The following ZSCAN18 variants were observed in gnomAD, a reference collection of about 807,000 sequenced individuals.
ZSCAN18 encodes the protein zinc finger and SCAN domain-containing protein 18.
A neutral mutation model predicts 31.1 loss-of-function variants in ZSCAN18; 16 were observed. That is an observed-to-expected ratio of 0.51 (90% CI 0.35 to 0.78). The LOEUF is 0.78. Among genes scored for constraint, ZSCAN18 ranks in the 30% least tolerant of loss-of-function variants. ZSCAN18 has a pLI of 0.01. For missense variants in ZSCAN18, 731 were observed against 697.4 expected (o/e 1.05, Z -0.54); for synonymous variants, 375 against 320.7 (o/e 1.17, Z -1.81).
intron 1 of ZSCAN18, chr19:58,109,087 A>G: frequency 2.4e-5 from 29 of 1,227,588 alleles, no homozygotes; most frequent in Non-Finnish European, 2.9e-5. Flanking sequence ...AGCCCCTCAT[A>G]GATGCTCTGG....
upstream of ZSCAN18, among the ~76,000 whole-genome samples, chr19:58,099,956 A>G (rs2074578410): frequency 8.4e-6 from 1 of 119,446 alleles, no homozygotes; most frequent in Admixed American, 9.9e-5. Flanking sequence ...CTCAGTTTTG[A>G]AAGCTATGTT....
chr19:58,099,978 T>TTTTTTTTG (rs2074579751), upstream of ZSCAN18, among the ~76,000 whole-genome samples: 2 of 151,178 alleles, frequency 1.3e-5, no homozygotes, highest in African/African-American at 2.4e-5. Context: ...TTTTTTTTTT[T>TTTTTTTTG]GAGACAAGGT....
At chr19:58,117,103 C>T (rs961397927) in intron 1 of ZSCAN18, among the ~76,000 whole-genome samples, 1 of 152,188 alleles carries the variant, frequency 6.6e-6, no homozygotes, top group Non-Finnish European at 1.5e-5. Flanking sequence ...TTGTAAAACG[C>T]CCAGCTAACT....
chr19:58,102,117 C>T (rs2074598989), upstream of ZSCAN18, among the ~76,000 whole-genome samples: 2 of 152,012 alleles, frequency 1.3e-5, no homozygotes, highest in African/African-American at 4.8e-5. Flanking sequence ...AGAGTAGAAG[C>T]TCCATAAGGA....
At chr19:58,111,531 GT>G (rs112124893) in intron 1 of ZSCAN18, among the ~76,000 whole-genome samples, 58 of 144,756 alleles carry the variant, frequency 4.0e-4, no homozygotes, top group Admixed American at 8.3e-4. Flanking sequence ...TTGTTTTTTT[GT>G]TTTTTTTTTT....
chr19:58,089,819 C>T, intron 2 of ZSCAN18, 46 bp downstream of exon 2: 1 of 1,547,556 alleles, frequency 6.5e-7, no homozygotes, highest in South Asian at 1.2e-5. Flanking sequence ...TCCAGGATCC[C>T]CTCCCCATCT....
At position 58,105,843 on chromosome 19, in the gene ZSCAN18, G is replaced by A. The variant is rs371018463; in HGVS notation, c.130+12424C>T. ...AAAAATAAAAAATTAGCCGGCCATAGTGGTACATGCCTGTAGTCCCAGCTA... is the reference window on the plus strand; with the variant it reads ...AAAAATAAAAAATTAGCCGGCCATAATGGTACATGCCTGTAGTCCCAGCTA... On this transcript the variant is annotated intron_variant, in intron 1 of 1. Transcript: ENST00000595721. 2.0e-5 allele frequency among the ~76,000 whole-genome samples: 3 copies of A among 151,984 alleles called. No homozygotes were observed. The East Asian group carries it at 5.8e-4, about 29-fold the overall frequency.
intron 1 of ZSCAN18, among the ~76,000 whole-genome samples, chr19:58,094,701 A>T (rs2074486758): frequency 6.6e-6 from 1 of 151,508 alleles, no homozygotes; most frequent in African/African-American, 2.4e-5. Flanking sequence ...AACATACCAA[A>T]ACTTCATCTC....
intron 1 of ZSCAN18, among the ~76,000 whole-genome samples, chr19:58,115,457 T>C (rs933568416): frequency 6.6e-6 from 1 of 152,244 alleles, no homozygotes; most frequent in Non-Finnish European, 1.5e-5. Flanking sequence ...ATCTCACTGT[T>C]GAGCCTTGGG....
At chr19:58,089,227 C>A (rs1460452292) in intron 2 of ZSCAN18, among the ~76,000 whole-genome samples, 36 of 131,232 alleles carry the variant, frequency 2.7e-4, no homozygotes, top group African/African-American at 9.5e-4. Context: ...GGCGTGAACC[C>A]GGGAGGCGGA....
intron 1 of ZSCAN18, chr19:58,107,678 T>G: frequency 1.0e-6 from 1 of 987,254 alleles, no homozygotes; most frequent in African/African-American, 1.7e-5. Flanking sequence ...CAACATAAAC[T>G]CTTCAACATG....
At chr19:58,109,695 T>G (rs2074664186) in intron 1 of ZSCAN18, among the ~76,000 whole-genome samples, 1 of 152,248 alleles carries the variant, frequency 6.6e-6, no homozygotes, top group Non-Finnish European at 1.5e-5. Context: ...GTATATTTAC[T>G]TTGTGAAAAC....
intron 1 of ZSCAN18, among the ~76,000 whole-genome samples, chr19:58,112,800 A>G (rs939235695): frequency 6.6e-6 from 1 of 151,092 alleles, no homozygotes; most frequent in Non-Finnish European, 1.5e-5. Context: ...AAACACAAAA[A>G]ATTAGCCAGG....
At position 58,085,132 on chromosome 19, in the gene ZSCAN18, CCT is replaced by C; in HGVS notation, c.1084_1085del (p.Arg362GlyfsTer25). The C allele has an allele frequency of 1.2e-6, 2 of 1,609,280 alleles. No individual in the cohort carries two copies. Among genetic ancestry groups the C allele is most frequent in the Admixed American group, 1.7e-5 (1 of 59,556 alleles). ...TCTTGGTTCCCAGTTTCGCCGTGCCCCTGTCCGGGGCAGGCTGCTGGATGACG... is the reference window on the plus strand; with the variant it reads ...TCTTGGTTCCCAGTTTCGCCGTGCCCGTCCGGGGCAGGCTGCTGGATGACG... ...QSVIQQPAPDRGTAKLGTKRP... is the reference protein window; with the variant it reads ...QSVIQQPAPDXGTAKLGTKRP... On this transcript the variant is annotated frameshift_variant, in exon 7 of 7. Transcript: ENST00000601144. LOFTEE classifies it low-confidence loss of function (END_TRUNC).
chr19:58,087,048 A>G (rs755684922), intron 4 of ZSCAN18, 40 bp from the exon 5 acceptor site: 10 of 1,500,564 alleles, frequency 6.7e-6, no homozygotes, highest in Non-Finnish European at 9.1e-6. Flanking sequence ...CACCTGCCCT[A>G]GAGAAGGGAG....
exon 1 of ZSCAN18, chr19:58,118,350 C>A: frequency 6.5e-7 from 1 of 1,533,584 alleles, no homozygotes; most frequent in Non-Finnish European, 8.8e-7. Context: ...GAACTCACTT[C>A]CCGCCGCCGT....
upstream of ZSCAN18, among the ~76,000 whole-genome samples, chr19:58,101,037 TC>T (rs915045177): frequency 1.8e-4 from 27 of 152,312 alleles, no homozygotes; most frequent in African/African-American, 5.8e-4. Context: ...GGTTCTCGAT[TC>T]CGTTCCACTG....
Position 58,085,220 on chromosome 19 carries a change from G to A in ZSCAN18, c.998C>T (p.Pro333Leu), listed in dbSNP as rs1599948809. The A allele has an allele frequency of 1.9e-6, 3 of 1,608,082 alleles. No homozygotes were observed. Among genetic ancestry groups the A allele is most frequent in the Non-Finnish European group, 2.5e-6 (3 of 1,179,212 alleles). Residue 333 changes from proline (P) to leucine (L), a missense_variant, in exon 7 of 7, where the codon CCG becomes CTG. Physicochemically the swap from Pro to Leu is moderately conservative, Grantham distance 98. Coordinates refer to ENST00000601144, the MANE Select transcript of ZSCAN18 (RefSeq NM_001145543.2). ...EEEEEQPGKAPDPQDPQDAES... is the reference protein window; with the variant it reads ...EEEEEQPGKALDPQDPQDAES... ...CGCGTCCTGGGGGTCCTGCGGGTCC[G>A]GGGCCTTCCCAGGCTGCTCTTCCTC...
At chr19:58,111,959 C>A (rs1170927723) in intron 1 of ZSCAN18, among the ~76,000 whole-genome samples, 1 of 152,154 alleles carries the variant, frequency 6.6e-6, no homozygotes, top group East Asian at 1.9e-4. Context: ...AAAAACACGA[C>A]CATCTCAAAT....
Sources: gnomAD v4.1 joint callset for allele counts (sites outside exome capture counted in the v4.1 genomes callset) on GRCh38, gnomAD v4.1.1 for gene constraint, MANE v1.5 for transcripts, NCBI Gene and HGNC (gene_info 2026-07-23, HGNC 2026-07-21) for gene names.